SUGCT: variants seen among roughly 807,000 people sequenced by gnomAD.
The protein encoded by SUGCT is succinyl-CoA:glutarate CoA-transferase.
In SUGCT, 41 loss-of-function variants were observed where a neutral mutation model predicts 55.0. That is an observed-to-expected ratio of 0.74 (90% confidence interval 0.58 to 0.97). The LOEUF (loss-of-function observed/expected upper bound fraction) is 0.97, where lower values mean the gene tolerates loss of function less well. Among genes scored for constraint, SUGCT ranks in the 50% least tolerant of loss-of-function variants. The pLI, the probability that SUGCT is intolerant of heterozygous loss-of-function variation, is 0.00. For missense variants in SUGCT, 568 were observed against 547.8 expected (o/e 1.04, Z -0.37); for synonymous variants, 187 against 200.4 (o/e 0.93, Z 0.56).
At chr7:40,336,233 G>A (rs1330377041) in intron 9 of SUGCT, among the ~76,000 whole-genome samples, 1 of 152,138 alleles carries the variant, frequency 6.6e-6, no homozygotes, top group Admixed American at 6.5e-5. Context: ...TCTCTGCCAG[G>A]CTTTGATATC....
the SUGCT span, among the ~76,000 whole-genome samples, chr7:40,932,125 C>T: frequency 2.0e-5 from 3 of 152,310 alleles, no homozygotes; most frequent in Non-Finnish European, 4.4e-5. Flanking sequence ...TACATTGTGT[C>T]TTTGTTCTCA....
intron 13 of SUGCT, among the ~76,000 whole-genome samples, chr7:40,834,668 G>A (rs1037309712): frequency 6.6e-6 from 1 of 152,168 alleles, no homozygotes; most frequent in Admixed American, 6.5e-5. Flanking sequence ...TTTGACTAGA[G>A]ATATAGATAA....
the SUGCT span, among the ~76,000 whole-genome samples, chr7:40,936,845 C>T: frequency 6.6e-6 from 1 of 151,812 alleles, no homozygotes; most frequent in East Asian, 1.9e-4. Context: ...CTTATGATTT[C>T]TTTTTTGATC....
At chr7:40,196,293 A>T (rs1371922765) in intron 6 of SUGCT, among the ~76,000 whole-genome samples, 1 of 152,186 alleles carries the variant, frequency 6.6e-6, no homozygotes, top group African/African-American at 2.4e-5. Flanking sequence ...TTATATTAAT[A>T]GTTTGCATCA....
intron 8 of SUGCT, among the ~76,000 whole-genome samples, chr7:40,286,014 G>C (rs1297769624): frequency 6.6e-6 from 1 of 152,110 alleles, no homozygotes; most frequent in Non-Finnish European, 1.5e-5. Flanking sequence ...GTATTATTCT[G>C]ATCTAATTCC....
the SUGCT span, among the ~76,000 whole-genome samples, chr7:40,866,149 C>T: frequency 6.6e-6 from 1 of 152,142 alleles, no homozygotes; most frequent in Non-Finnish European, 1.5e-5. Context: ...AACTGGGATA[C>T]TGAAAGAAAA....
chr7:40,348,732 T>C (rs1456138361), intron 9 of SUGCT, among the ~76,000 whole-genome samples: 1 of 152,342 alleles, frequency 6.6e-6, no homozygotes, highest in East Asian at 1.9e-4. Flanking sequence ...AAGAAGTTTT[T>C]AGATTTGTCC....
chr7:40,214,665 G>A (rs137966586), intron 6 of SUGCT, among the ~76,000 whole-genome samples: 2 of 151,926 alleles, frequency 1.3e-5, no homozygotes, highest in Non-Finnish European at 2.9e-5. Flanking sequence ...CCTGTAATCC[G>A]AGCACTTTGG....
chr7:40,716,280 A>G (rs1786016824), intron 12 of SUGCT, among the ~76,000 whole-genome samples: 1 of 152,208 alleles, frequency 6.6e-6, no homozygotes, highest in African/African-American at 2.4e-5. Flanking sequence ...GGTCATCAGC[A>G]GTGAAGAAAT....
In SUGCT at chr7:40,855,470, C is replaced by T. The variant is rs149803950; in HGVS notation, c.1154-4846C>T. ...TAAATTCCTAATTTTAACAATAATACTGGAAAATGTAAGTGCTAAATCTTG... is the reference window on the plus strand; with the variant it reads ...TAAATTCCTAATTTTAACAATAATATTGGAAAATGTAAGTGCTAAATCTTG... On this transcript the variant is annotated intron_variant, in intron 13 of 13. Transcript: ENST00000335693. 5.3e-3 allele frequency among the ~76,000 whole-genome samples: 811 copies of T among 152,032 alleles called. 8 individuals are homozygous for T. The highest frequency in any genetic ancestry group is 0.018 in the African/African-American group (765 of 41,488).
rs201425078 is a variant in SUGCT, at chr7:40,180,999, G to A, written c.152+1G>A. 221 of 1,601,464 alleles carry A rather than the reference G, an allele frequency of 1.4e-4. No individual in the cohort carries two copies. Among genetic ancestry groups the A allele is most frequent in the Non-Finnish European group, 1.8e-4 (212 of 1,169,394 alleles). On this transcript the variant is annotated splice_donor_variant, in intron 2 of 13. Transcript: ENST00000335693. LOFTEE classifies it high-confidence loss of function. The stretch of plus-strand genomic sequence containing the variant: ...GGGTAAAAATTCTGGATCTAACAAG[G>A]TTTGTATTGGTTTATCTACATTTTG...
At chr7:40,198,242 A>G (rs1043865023) in intron 6 of SUGCT, among the ~76,000 whole-genome samples, 3 of 152,174 alleles carry the variant, frequency 2.0e-5, no homozygotes, top group Non-Finnish European at 2.9e-5. Flanking sequence ...ATCCAGACCT[A>G]AGGTCACACA....
chr7:40,136,685 T>G (rs191573131), intron 1 of SUGCT, among the ~76,000 whole-genome samples: 198 of 152,314 alleles, frequency 1.3e-3, no homozygotes, highest in South Asian at 3.3e-3. Flanking sequence ...AAATTCACCT[T>G]TCTGGACATT....
chr7:40,524,464 G>A (rs147912786), intron 12 of SUGCT, among the ~76,000 whole-genome samples: 158 of 152,130 alleles, frequency 1.0e-3, no homozygotes, highest in African/African-American at 3.4e-3. Context: ...GTTTGCTCGT[G>A]TATTTATTTT....
At chr7:40,305,147 T>C (rs1584632784) in intron 8 of SUGCT, among the ~76,000 whole-genome samples, 2 of 152,172 alleles carry the variant, frequency 1.3e-5, no homozygotes, top group South Asian at 4.1e-4. Context: ...ATCTGGTATG[T>C]GGGGAAGGAA....
intron 7 of SUGCT, among the ~76,000 whole-genome samples, chr7:40,245,818 G>T (rs1789835121): frequency 6.6e-6 from 1 of 151,406 alleles, no homozygotes; most frequent in African/African-American, 2.4e-5. Flanking sequence ...GGATAAATGG[G>T]GTATCCATCA....
rs910894154 is a variant in SUGCT, at chr7:40,636,511, G to A, written c.1090-112923G>A. On this transcript the variant is annotated intron_variant, in intron 12 of 13. Transcript: ENST00000335693. ...GTCAAGGGAAGGGAAACTCTTTGAT[G>A]TAAAAGAGTGACAAAGAATTTTCAG... 1.2e-4 allele frequency among the ~76,000 whole-genome samples: 18 copies of A among 152,320 alleles called. 1 individual carries two copies. The highest frequency in any genetic ancestry group is 1.2e-3 in the East Asian group (6 of 5,178).
chr7:40,333,672 T>TAC (rs1796482561), intron 9 of SUGCT, among the ~76,000 whole-genome samples: 1 of 25,296 alleles, frequency 4.0e-5, no homozygotes, highest in African/African-American at 1.8e-4. Context: ...AAAAAAAATA[T>TAC]ATATATATAT....
chr7:40,351,262 T>A (rs1486120321), intron 9 of SUGCT, among the ~76,000 whole-genome samples: 2 of 152,090 alleles, frequency 1.3e-5, no homozygotes, highest in Non-Finnish European at 2.9e-5. Context: ...ATATTATGTT[T>A]AAGTATCAAA....
Sources: gnomAD v4.1 joint callset for allele counts (sites outside exome capture counted in the v4.1 genomes callset) on GRCh38, gnomAD v4.1.1 for gene constraint, MANE v1.5 for transcripts, NCBI Gene and HGNC (gene_info 2026-07-23, HGNC 2026-07-21) for gene names.